CEP350: variants seen among roughly 807,000 people sequenced by gnomAD.
The protein encoded by CEP350 is centrosomal protein 350.
A neutral mutation model predicts 331.8 loss-of-function variants in CEP350; 126 were observed. That is an observed-to-expected ratio of 0.38 (90% CI 0.33 to 0.44). The LOEUF is 0.44. Among genes scored for constraint, CEP350 ranks in the 20% least tolerant of loss-of-function variants. CEP350 has a pLI of 1.00. For missense variants in CEP350, 3,406 were observed against 3,634.6 expected, an observed-to-expected ratio of 0.94 and a Z score of 1.62; for synonymous variants, 1,200 against 1,259.5, an observed-to-expected ratio of 0.95 and a Z score of 1.00.
At chr1:180,064,280 C>G (rs1658414898) in intron 26 of CEP350, among the ~76,000 whole-genome samples, 1 of 152,124 alleles carries the variant, frequency 6.6e-6, no homozygotes, top group African/African-American at 2.4e-5. Context: ...CGGCCACCCT[C>G]CTGCATTGGA....
At chr1:180,063,745 C>T (rs1458868651) in intron 26 of CEP350, among the ~76,000 whole-genome samples, 1 of 151,862 alleles carries the variant, frequency 6.6e-6, no homozygotes, top group Non-Finnish European at 1.5e-5. Context: ...CCTAGCAGGC[C>T]AAAGCTGCAG....
chr1:180,068,511 T>A (rs1421303483), intron 27 of CEP350, among the ~76,000 whole-genome samples: 1 of 152,180 alleles, frequency 6.6e-6, no homozygotes, highest in Admixed American at 6.5e-5. Flanking sequence ...GTGAGGGATA[T>A]TATTTACAAT....
intron 30 of CEP350, among the ~76,000 whole-genome samples, chr1:180,082,729 A>G (rs1027948138): frequency 6.6e-6 from 1 of 152,176 alleles, no homozygotes; most frequent in African/African-American, 2.4e-5. Flanking sequence ...TGGTAAATAT[A>G]TTTTTTATTG....
chr1:179,972,908 G>A (rs973301197), intron 1 of CEP350, among the ~76,000 whole-genome samples: 23 of 141,546 alleles, frequency 1.6e-4, no homozygotes, highest in Admixed American at 1.5e-3. Flanking sequence ...TCATTCTGTC[G>A]CCAGGCTGGA....
intron 1 of CEP350, among the ~76,000 whole-genome samples, chr1:179,965,615 C>CTTTTTTTTTTTTTTTT (rs747027286): frequency 9.5e-5 from 8 of 84,390 alleles, no homozygotes; most frequent in South Asian, 8.5e-4. Context: ...TTTTTCTTTT[C>CTTTTTTTTTTTTTTTT]TTTTTTTTTT....
At chr1:180,071,135 C>T (rs929722899) in intron 27 of CEP350, among the ~76,000 whole-genome samples, 2 of 130,494 alleles carry the variant, frequency 1.5e-5, no homozygotes, top group Non-Finnish European at 3.2e-5. Flanking sequence ...CGACAGAGCA[C>T]GACTCCATCT....
intron 1 of CEP350, among the ~76,000 whole-genome samples, chr1:179,959,022 T>C (rs1437168443): frequency 1.3e-5 from 2 of 152,186 alleles, no homozygotes; most frequent in African/African-American, 4.8e-5. Flanking sequence ...TTATAATTTT[T>C]GAAACTTTTT....
In CEP350 at chr1:180,075,269, A is replaced by G. The variant is rs565262075; in HGVS notation, c.5767+48A>G. On this transcript the variant is annotated intron_variant, in intron 28 of 37. Coordinates refer to ENST00000367607, the MANE Select transcript of CEP350 (RefSeq NM_014810.5). Reference sequence around the variant, plus strand: ...ACACTACAAACTAAAGCCTAACATAATTGAAAGATATATTTCATTACTTTT... The same window carrying G: ...ACACTACAAACTAAAGCCTAACATAGTTGAAAGATATATTTCATTACTTTT... The G allele has an allele frequency of 6.7e-6, 10 of 1,489,092 alleles. No individual in the cohort carries two copies. In the South Asian group the frequency reaches 1.0e-4, roughly 15 times the overall value. The allele number at this position is 1,489,092 out of a possible 1,614,324, so 92.2% of individuals were successfully genotyped here. A position where few individuals can be genotyped will look rare whatever the true frequency, so the allele number is the denominator to read the frequency against.
intron 21 of CEP350, among the ~76,000 whole-genome samples, chr1:180,047,903 G>T (rs1019618640): frequency 2.0e-5 from 3 of 152,072 alleles, no homozygotes; most frequent in African/African-American, 7.2e-5. Context: ...AAAATCATAG[G>T]ATATAAGAAG....
In CEP350 at chr1:180,092,643, GTATCAGAAAGGTCTT is replaced by G. The variant is rs1558153880; in HGVS notation, c.6543_6557del (p.Glu2182_Ser2186del). On this transcript the variant is annotated inframe_deletion, in exon 34 of 38. Coordinates refer to ENST00000367607, the MANE Select transcript of CEP350 (RefSeq NM_014810.5). ...TTCACTGTCTGGTTCTGAGAGATCA[GTATCAGAAAGGTCTT>G]TATCTGCATATGCAAAGAGAGTAAA... The G allele has an allele frequency of 6.2e-7, 1 of 1,603,054 alleles. No individual in the cohort carries two copies. The highest frequency in any genetic ancestry group is 1.7e-5 in the Admixed American group (1 of 58,020).
rs765943001 is a variant in CEP350 at position 180,075,188 on chromosome 1, A to G, written c.5734A>G (p.Lys1912Glu). 20 of 1,612,896 alleles carry G rather than the reference A, an allele frequency of 1.2e-5. No homozygotes were observed. In the Admixed American group the frequency reaches 3.3e-4, roughly 27 times the overall value. The stretch of plus-strand genomic sequence containing the variant: ...ATTAATAAAACCCAAAACTCCTAAG[A>G]AAGAACTGGAGGACCAGAGAACAGA... ...KELIKPKTPK[K>E]ELEDQRTEQK... The change falls in exon 28 of 38, where the codon AAA (lysine) becomes GAA (glutamate). Residue 1912 changes from lysine to glutamate, a missense_variant. By Grantham distance (56) the Lys-to-Glu change is moderately conservative. Transcript: ENST00000367607.
At chr1:180,005,933 CAT>C (rs1430162220) in intron 7 of CEP350, among the ~76,000 whole-genome samples, 4 of 152,250 alleles carry the variant, frequency 2.6e-5, no homozygotes, top group South Asian at 2.1e-4. Flanking sequence ...TTAAGCTTAA[CAT>C]GTGTAATCAG....
At chr1:180,048,463 A>G (rs564993612) in intron 21 of CEP350, 73 bp from the exon 22 acceptor site, 3 of 989,640 alleles carry the variant, frequency 3.0e-6, no homozygotes, top group African/African-American at 3.3e-5. Context: ...ATTTGGCCAA[A>G]TAAGTTTACT....
rs189802855 is a variant in CEP350 at position 180,044,398 on chromosome 1, T to G, written c.4622+225T>G. Among the ~76,000 whole-genome samples, 203 of 152,242 alleles carry G rather than the reference T, an allele frequency of 1.3e-3. 1 individual carries two copies. Among genetic ancestry groups the G allele is most frequent in the African/African-American group, 4.7e-3 (194 of 41,554 alleles). ...CATTGTACAAGCATTGTATAAATTG[T>G]TCTTCCTGCATTTAATATTCACAGC... On this transcript the variant is annotated intron_variant, in intron 21 of 37. Coordinates refer to ENST00000367607, the MANE Select transcript of CEP350 (RefSeq NM_014810.5).
intron 26 of CEP350, among the ~76,000 whole-genome samples, chr1:180,064,031 A>T (rs984900317): frequency 2.0e-5 from 3 of 152,178 alleles, no homozygotes; most frequent in Non-Finnish European, 4.4e-5. Context: ...CTACCACTTA[A>T]TCTGCAGACT....
At chr1:180,073,164 G>A (rs1046847982) in intron 27 of CEP350, among the ~76,000 whole-genome samples, 1 of 152,020 alleles carries the variant, frequency 6.6e-6, no homozygotes, top group African/African-American at 2.4e-5. Context: ...AATGGATAGT[G>A]TATTTCAATA....
At chr1:179,959,730 G>A (rs1650447599) in intron 1 of CEP350, among the ~76,000 whole-genome samples, 1 of 152,168 alleles carries the variant, frequency 6.6e-6, no homozygotes, top group African/African-American at 2.4e-5. Flanking sequence ...CTCCAGCCTA[G>A]GTGACAGAGG....
At chr1:179,995,898 A>G (rs78071356) in intron 5 of CEP350, among the ~76,000 whole-genome samples, 1,921 of 152,298 alleles carry the variant, frequency 0.013, 17 homozygotes, top group Middle Eastern at 0.034. Flanking sequence ...CCCCCAGTCT[A>G]TTTATTAATT....
At chr1:179,985,114 T>G (rs959729911) in intron 1 of CEP350, among the ~76,000 whole-genome samples, 1 of 152,180 alleles carries the variant, frequency 6.6e-6, no homozygotes, top group Non-Finnish European at 1.5e-5. Context: ...AGATTTCTTT[T>G]CATTTTGCAA....
Sources: gnomAD v4.1 joint callset for allele counts (sites outside exome capture counted in the v4.1 genomes callset) on GRCh38, gnomAD v4.1.1 for gene constraint, MANE v1.5 for transcripts, NCBI Gene and HGNC (gene_info 2026-07-23, HGNC 2026-07-21) for gene names.